Variants in ANO3 observed in about 807,000 individuals in gnomAD.
The protein encoded by ANO3 is anoctamin 3.
In ANO3, 99 loss-of-function variants were observed where a neutral mutation model predicts 144.8. The observed-to-expected ratio is 0.68, with a 90% CI of 0.58 to 0.81. The LOEUF (loss-of-function observed/expected upper bound fraction) is 0.81. Among genes scored for constraint, ANO3 ranks in the 30% least tolerant of loss-of-function variants. The pLI is 0.00. For missense variants in ANO3, 905 were observed against 1,202.2 expected (o/e 0.75, Z 3.66); for synonymous variants, 414 against 392.6 (o/e 1.05, Z -0.64).
At chr11:26,223,617 A>AAC (rs111428732) in intron 1 of ANO3, among the ~76,000 whole-genome samples, 4 of 150,222 alleles carry the variant, frequency 2.7e-5, no homozygotes, top group African/African-American at 4.9e-5. Flanking sequence ...AAAAAAAAAA[A>AAC]AAAAACCCTG....
chr11:26,547,036 G>A (rs1164306432), intron 11 of ANO3, among the ~76,000 whole-genome samples: 3 of 151,748 alleles, frequency 2.0e-5, no homozygotes, highest in Non-Finnish European at 4.4e-5. Flanking sequence ...CCTGCTCTCA[G>A]CACCCACCCA....
chr11:26,245,450 C>T (rs969404820), intron 1 of ANO3, among the ~76,000 whole-genome samples: 1 of 152,154 alleles, frequency 6.6e-6, no homozygotes, highest in African/African-American at 2.4e-5. Context: ...CCTTTTAATT[C>T]TATCATTCCT....
chr11:26,657,322 C>T (rs768099082), intron 26 of ANO3, among the ~76,000 whole-genome samples: 1 of 152,076 alleles, frequency 6.6e-6, no homozygotes, highest in Non-Finnish European at 1.5e-5. Context: ...AGGGTATCAT[C>T]GAGGACTGAA....
chr11:26,198,484 T>G (rs1354680627), intron 1 of ANO3, among the ~76,000 whole-genome samples: 1 of 152,052 alleles, frequency 6.6e-6, no homozygotes, highest in Non-Finnish European at 1.5e-5. Context: ...TTTGGTAGAA[T>G]AGATAAATAT....
chr11:26,596,483 G>A (rs71480130), intron 14 of ANO3, among the ~76,000 whole-genome samples: 5,472 of 152,258 alleles, frequency 0.036, 134 homozygotes, highest in Non-Finnish European at 0.056. Flanking sequence ...GGTGGGGAAC[G>A]GGTCCCACAT....
intron 3 of ANO3, among the ~76,000 whole-genome samples, chr11:26,446,346 G>A (rs1014756198): frequency 1.3e-5 from 2 of 152,208 alleles, no homozygotes; most frequent in African/African-American, 4.8e-5. Context: ...TTCCTGCATT[G>A]GGCTGATTAT....
intron 1 of ANO3, among the ~76,000 whole-genome samples, chr11:26,318,239 C>T (rs916206045): frequency 6.6e-6 from 1 of 152,104 alleles, no homozygotes; most frequent in African/African-American, 2.4e-5. Flanking sequence ...CACATGTACC[C>T]CAGAACTTAA....
chr11:26,273,326 C>T (rs762388114), intron 1 of ANO3, among the ~76,000 whole-genome samples: 1 of 150,790 alleles, frequency 6.6e-6, no homozygotes, highest in Non-Finnish European at 1.5e-5. Flanking sequence ...TGCCCCCATA[C>T]ACAATGTTTC....
At chr11:26,327,621 G>C (rs1854921018), upstream of ANO3, among the ~76,000 whole-genome samples, 1 of 152,148 alleles carries the variant, frequency 6.6e-6, no homozygotes, top group South Asian at 2.1e-4. Context: ...AGAAAATATG[G>C]AGCCCCTTGA....
chr11:26,383,825 G>A (rs1048727387), intron 1 of ANO3, among the ~76,000 whole-genome samples: 1 of 149,054 alleles, frequency 6.7e-6, no homozygotes, highest in African/African-American at 2.5e-5. Context: ...AAAAAATAAT[G>A]ATAGGAAACT....
At chr11:26,247,559 A>G (rs1349848183) in intron 1 of ANO3, among the ~76,000 whole-genome samples, 4 of 152,160 alleles carry the variant, frequency 2.6e-5, no homozygotes, top group African/African-American at 9.7e-5. Flanking sequence ...GGCCACTTGG[A>G]GTGGAAGGAA....
At chr11:26,410,967 C>T (rs1174841536) in intron 1 of ANO3, among the ~76,000 whole-genome samples, 5 of 151,940 alleles carry the variant, frequency 3.3e-5, no homozygotes, top group Admixed American at 1.3e-4. Flanking sequence ...ATGGGATTTC[C>T]GGATCTTCAA....
At chr11:26,556,043 A>G (rs1850073291) in intron 13 of ANO3, among the ~76,000 whole-genome samples, 1 of 152,208 alleles carries the variant, frequency 6.6e-6, no homozygotes. Flanking sequence ...ATATGTTTGC[A>G]TGGAAAATAA....
At chr11:26,410,296 T>A (rs1029810350) in intron 1 of ANO3, among the ~76,000 whole-genome samples, 5 of 151,964 alleles carry the variant, frequency 3.3e-5, no homozygotes, top group Non-Finnish European at 7.4e-5. Context: ...ATCAAAAAAT[T>A]ACAGAGAATT....
chr11:26,626,624 G>A (rs1852593210), intron 18 of ANO3, among the ~76,000 whole-genome samples: 1 of 152,128 alleles, frequency 6.6e-6, no homozygotes, highest in African/African-American at 2.4e-5. Flanking sequence ...TCTTACTGAG[G>A]GGAAATCCTA....
intron 1 of ANO3, among the ~76,000 whole-genome samples, chr11:26,289,034 G>A (rs902634737): frequency 1.3e-5 from 2 of 152,122 alleles, no homozygotes; most frequent in African/African-American, 4.8e-5. Context: ...CAACTATGGA[G>A]TGCCTACTGT....
At chr11:26,524,372 G>T (rs748792050) in intron 6 of ANO3, among the ~76,000 whole-genome samples, 6 of 152,164 alleles carry the variant, frequency 3.9e-5, no homozygotes, top group Non-Finnish European at 8.8e-5. Context: ...CAATATGACT[G>T]CAGTGAAATA....
rs192228309 is a variant in ANO3, at chr11:26,648,286, G to A, written c.2576+430G>A. ...GAAGCAGAACTTGAAGGAACTGTCA[G>A]CTCTGTGACTGGAGATTTTCAAAAG... On this transcript the variant is annotated intron_variant, in intron 24 of 26. Coordinates refer to ENST00000256737, the MANE Select transcript of ANO3 (RefSeq NM_031418.4). Among the ~76,000 whole-genome samples, 36 of 152,200 alleles carry A rather than the reference G, an allele frequency of 2.4e-4. 1 individual carries two copies. Among genetic ancestry groups the A allele is most frequent in the African/African-American group, 7.7e-4 (32 of 41,516 alleles).
At chr11:26,502,831 GA>G in intron 4 of ANO3, among the ~76,000 whole-genome samples, 1 of 121,946 alleles carries the variant, frequency 8.2e-6, no homozygotes, top group East Asian at 2.5e-4. Flanking sequence ...GTTAGATTGA[GA>G]AGAATAAACA....
Sources: gnomAD v4.1 joint callset for allele counts (sites outside exome capture counted in the v4.1 genomes callset) on GRCh38, gnomAD v4.1.1 for gene constraint, MANE v1.5 for transcripts, NCBI Gene and HGNC (gene_info 2026-07-23, HGNC 2026-07-21) for gene names.